The following KHDRBS2 variants were observed in gnomAD, a reference collection of about 807,000 sequenced individuals.
KHDRBS2 encodes the protein KH RNA binding domain containing, signal transduction associated 2, also known as KH domain-containing, RNA-binding, signal transduction-associated protein 2.
A neutral mutation model predicts 44.3 loss-of-function variants in KHDRBS2; 26 were observed. The ratio of observed to expected loss-of-function variants is 0.59; its 90% CI spans 0.43 to 0.81. The LOEUF (loss-of-function observed/expected upper bound fraction) is 0.81, where lower values mean the gene tolerates loss of function less well. Ranked by LOEUF, KHDRBS2 falls within the 40% of genes least tolerant of loss-of-function variation. The pLI is 0.00. For synonymous variants in KHDRBS2, 194 were observed against 151.1 expected (o/e 1.28, Z -2.08); for missense variants, 476 against 433.1 (o/e 1.10, Z -0.88).
At chr6:61,865,097 T>C (rs1183729161) in intron 6 of KHDRBS2, among the ~76,000 whole-genome samples, 1 of 152,224 alleles carries the variant, frequency 6.6e-6, no homozygotes, top group Non-Finnish European at 1.5e-5. Context: ...GAAGTTCTTG[T>C]AGTGTGTTTT....
intron 2 of KHDRBS2, among the ~76,000 whole-genome samples, chr6:62,115,793 T>A (rs1454785797): frequency 2.0e-5 from 3 of 152,140 alleles, no homozygotes; most frequent in African/African-American, 7.2e-5. Context: ...AATTTACTTT[T>A]TTAACGTTAA....
intron 3 of KHDRBS2, among the ~76,000 whole-genome samples, chr6:62,040,183 A>AAATAC (rs1198780374): frequency 1.3e-5 from 2 of 151,994 alleles, no homozygotes; most frequent in South Asian, 2.1e-4. Context: ...AATAAGTTGT[A>AAATAC]AATACAATAC....
intron 3 of KHDRBS2, among the ~76,000 whole-genome samples, chr6:62,018,635 G>A (rs1365553421): frequency 2.6e-5 from 4 of 151,902 alleles, no homozygotes; most frequent in South Asian, 2.1e-4. Flanking sequence ...GTGAGCCACC[G>A]CGCCCGGCCC....
the KHDRBS2 span, among the ~76,000 whole-genome samples, chr6:61,621,579 C>T: frequency 6.6e-6 from 1 of 152,164 alleles, no homozygotes; most frequent in Admixed American, 6.5e-5. Flanking sequence ...AAGGGAAAAT[C>T]TGGCCCACTG....
intron 6 of KHDRBS2, among the ~76,000 whole-genome samples, chr6:61,777,940 T>G (rs1413301193): frequency 6.6e-6 from 1 of 152,084 alleles, no homozygotes; most frequent in Non-Finnish European, 1.5e-5. Flanking sequence ...TATGAATTAT[T>G]TCACTACCCA....
chr6:61,823,363 A>T (rs1790299651), intron 6 of KHDRBS2, among the ~76,000 whole-genome samples: 1 of 152,098 alleles, frequency 6.6e-6, no homozygotes, highest in South Asian at 2.1e-4. Context: ...TTTCTGATAA[A>T]GCATGTGTAT....
chr6:62,208,057 A>G (rs899596973), intron 1 of KHDRBS2, among the ~76,000 whole-genome samples: 2 of 151,994 alleles, frequency 1.3e-5, no homozygotes, highest in African/African-American at 4.8e-5. Context: ...GCCCCCTCTC[A>G]CCCATGGTAA....
intron 4 of KHDRBS2, among the ~76,000 whole-genome samples, chr6:61,914,355 C>G (rs1403491957): frequency 6.6e-6 from 1 of 152,070 alleles, no homozygotes; most frequent in South Asian, 2.1e-4. Context: ...TCCCTCTTCT[C>G]TATCTCTAAT....
At chr6:62,266,512 T>C (rs923452527) in intron 1 of KHDRBS2, among the ~76,000 whole-genome samples, 1 of 152,018 alleles carries the variant, frequency 6.6e-6, no homozygotes, top group Non-Finnish European at 1.5e-5. Context: ...CAGTTACCAA[T>C]AGCAGTAACT....
At chr6:62,065,288 T>C (rs1332621361) in intron 2 of KHDRBS2, among the ~76,000 whole-genome samples, 1 of 152,098 alleles carries the variant, frequency 6.6e-6, no homozygotes, top group Non-Finnish European at 1.5e-5. Context: ...ACTGGGTATA[T>C]ACCCAAATGA....
At chr6:61,545,110 A>C in the KHDRBS2 span, among the ~76,000 whole-genome samples, 2 of 151,974 alleles carry the variant, frequency 1.3e-5, no homozygotes, top group South Asian at 4.1e-4. Flanking sequence ...TTTGAGTAGG[A>C]AGCTGCTCCA....
chr6:61,736,458 G>A (rs1775378227), intron 6 of KHDRBS2, among the ~76,000 whole-genome samples: 1 of 151,908 alleles, frequency 6.6e-6, no homozygotes, highest in Non-Finnish European at 1.5e-5. Context: ...GGTGCTCCAA[G>A]GGGTGCAAAC....
chr6:61,956,507 T>C (rs559409959), intron 4 of KHDRBS2, among the ~76,000 whole-genome samples: 1 of 152,206 alleles, frequency 6.6e-6, no homozygotes, highest in South Asian at 2.1e-4. Context: ...TTCTCCAGGA[T>C]ACTAACCATT....
At chr6:62,137,849 T>C (rs1303522088) in intron 2 of KHDRBS2, among the ~76,000 whole-genome samples, 1 of 152,234 alleles carries the variant, frequency 6.6e-6, no homozygotes, top group Non-Finnish European at 1.5e-5. Context: ...ATATCCCAGT[T>C]CATATTCTGG....
the KHDRBS2 span, among the ~76,000 whole-genome samples, chr6:61,561,259 G>T: frequency 6.6e-6 from 1 of 152,058 alleles, no homozygotes; most frequent in South Asian, 2.1e-4. Flanking sequence ...GAAACTTAGG[G>T]AGGAATGCCA....
intron 1 of KHDRBS2, among the ~76,000 whole-genome samples, chr6:62,253,485 C>T (rs576194270): frequency 1.4e-4 from 21 of 151,782 alleles, no homozygotes; most frequent in Non-Finnish European, 2.9e-4. Context: ...CCCTGCAACC[C>T]TGCCTCCTCC....
At chr6:61,921,585 T>A (rs1808076290) in intron 4 of KHDRBS2, among the ~76,000 whole-genome samples, 1 of 152,026 alleles carries the variant, frequency 6.6e-6, no homozygotes, top group Non-Finnish European at 1.5e-5. Context: ...TAATATTATC[T>A]TTTTATGACA....
chr6:61,921,049 G>T (rs1807981362), intron 4 of KHDRBS2, among the ~76,000 whole-genome samples: 1 of 151,906 alleles, frequency 6.6e-6, no homozygotes, highest in South Asian at 2.1e-4. Flanking sequence ...AAGTTTGAAA[G>T]AACAGAAATG....
At chr6:61,833,778 A>G (rs1023852491) in intron 6 of KHDRBS2, among the ~76,000 whole-genome samples, 1 of 152,130 alleles carries the variant, frequency 6.6e-6, no homozygotes, top group Non-Finnish European at 1.5e-5. Flanking sequence ...ATATTTCTGG[A>G]ATTCTTTAAG....
Sources: gnomAD v4.1 joint callset for allele counts (sites outside exome capture counted in the v4.1 genomes callset) on GRCh38, gnomAD v4.1.1 for gene constraint, MANE v1.5 for transcripts, NCBI Gene and HGNC (gene_info 2026-07-23, HGNC 2026-07-21) for gene names.